Variants in DHRSX observed in about 807,000 individuals in gnomAD.
DHRSX encodes the protein dehydrogenase/reductase X-linked.
DHRSX carries 31 observed loss-of-function variants against 34.0 expected under a neutral mutation model. The observed-to-expected ratio is 0.91, with a 90% CI of 0.69 to 1.23. DHRSX has a LOEUF of 1.23. Ranked by LOEUF, DHRSX falls within the 50% of genes most tolerant of loss-of-function variation. DHRSX has a pLI of 0.00. For synonymous variants in DHRSX, 201 were observed against 183.8 expected (o/e 1.09, Z -0.76); for missense variants, 414 against 428.1 (o/e 0.97, Z 0.29).
rs142661248 is a variant in DHRSX, at chrX:2,459,677, A to G, written c.110-34373T>C. ...AAGTGACTCCCATTTCCAGGCAGAA[A>G]GCAAAACAAGACCCAGTTTTGAGGA... On this transcript the variant is annotated intron_variant, in intron 1 of 6. Coordinates refer to ENST00000334651, the MANE Select transcript of DHRSX (RefSeq NM_145177.3). 3.2e-3 allele frequency among the ~76,000 whole-genome samples: 480 copies of G among 151,982 alleles called. 4 individuals carry two copies. Among genetic ancestry groups the G allele is most frequent in the African/African-American group, 0.011 (463 of 41,494 alleles).
At chrX:2,452,580 T>A (rs1319443476) in intron 1 of DHRSX, among the ~76,000 whole-genome samples, 1 of 150,896 alleles carries the variant, frequency 6.6e-6, no homozygotes, top group Non-Finnish European at 1.5e-5. Flanking sequence ...ACTGAAGATG[T>A]TCCCTAAGCA....
intron 1 of DHRSX, among the ~76,000 whole-genome samples, chrX:2,438,711 T>C (rs1836406357): frequency 6.7e-6 from 1 of 149,082 alleles, no homozygotes; most frequent in African/African-American, 2.5e-5. Flanking sequence ...AGGAACAGAA[T>C]GATCTAGGAG....
At chrX:2,422,323 C>T (rs2043790701) in intron 2 of DHRSX, among the ~76,000 whole-genome samples, 2 of 152,188 alleles carry the variant, frequency 1.3e-5, no homozygotes, top group Non-Finnish European at 1.5e-5. Context: ...AGTGCAGTGG[C>T]GCGATCTCGG....
Position 2,461,972 on chromosome X carries a change from G to A in DHRSX, c.110-36668C>T, listed in dbSNP as rs367959990. Reference sequence around the variant, plus strand: ...CAAAGTGCTGGGATCACAGGCATGAGAGCCACCGCGGCTGGCCATGCAGCT... The same window carrying A: ...CAAAGTGCTGGGATCACAGGCATGAAAGCCACCGCGGCTGGCCATGCAGCT... On this transcript the variant is annotated intron_variant, in intron 1 of 6. Coordinates refer to ENST00000334651, the MANE Select transcript of DHRSX (RefSeq NM_145177.3). Among the ~76,000 whole-genome samples, 18 of 152,298 alleles carry A rather than the reference G, an allele frequency of 1.2e-4. 1 individual carries two copies. The highest frequency in any genetic ancestry group is 4.1e-4 in the African/African-American group (17 of 41,580).
At chrX:2,324,109 G>A (rs1424888022) in intron 3 of DHRSX, among the ~76,000 whole-genome samples, 2 of 151,148 alleles carry the variant, frequency 1.3e-5, no homozygotes, top group African/African-American at 2.4e-5. Context: ...ACTCTGCTTT[G>A]TAATTAAAAG....
chrX:2,302,612 A>AAATAAATAAAT (rs1569485581), intron 3 of DHRSX, among the ~76,000 whole-genome samples: 73 of 149,980 alleles, frequency 4.9e-4, no homozygotes, highest in African/African-American at 1.7e-3. Context: ...ACTGTCTCAA[A>AAATAAATAAAT]AAATAAATAA....
intron 6 of DHRSX, among the ~76,000 whole-genome samples, chrX:2,224,137 T>C (rs1251210700): frequency 2.0e-5 from 3 of 152,268 alleles, no homozygotes; most frequent in African/African-American, 7.2e-5. Context: ...TGTTGTTGTC[T>C]GCCATCATTG....
intron 3 of DHRSX, among the ~76,000 whole-genome samples, chrX:2,355,553 A>G (rs2042840440): frequency 6.9e-6 from 1 of 144,668 alleles, no homozygotes; most frequent in African/African-American, 2.5e-5. Context: ...AAAGACTATC[A>G]TTACTTTTAA....
At chrX:2,498,736 G>C (rs141797347) in intron 1 of DHRSX, among the ~76,000 whole-genome samples, 2,471 of 152,192 alleles carry the variant, frequency 0.016, 61 homozygotes, top group African/African-American at 0.048. Flanking sequence ...TCTTCTGCCA[G>C]GGCCCACACA....
At chrX:2,377,385 T>C (rs1171095787) in intron 3 of DHRSX, among the ~76,000 whole-genome samples, 1 of 151,492 alleles carries the variant, frequency 6.6e-6, no homozygotes, top group Non-Finnish European at 1.5e-5. Context: ...TCATCAGGCA[T>C]TAGATTCTCA....
rs141699919 is a variant in DHRSX at position 2,358,207 on chromosome X, G to A, written c.286+50538C>T. On this transcript the variant is annotated intron_variant, in intron 3 of 6. Transcript: ENST00000334651. ...CACAGCCCAGGAAACTATCAACAGC[G>A]TGAACAGACAACCTACAGAATGAGA... Among the ~76,000 whole-genome samples, 1,106 of 152,220 alleles carry A rather than the reference G, an allele frequency of 7.3e-3. 30 individuals are homozygous for A. The highest frequency in any genetic ancestry group is 0.062 in the Admixed American group (941 of 15,260).
chrX:2,500,070 C>T (rs1413738582), intron 1 of DHRSX, among the ~76,000 whole-genome samples: 1 of 152,220 alleles, frequency 6.6e-6, no homozygotes, highest in Non-Finnish European at 1.5e-5. Flanking sequence ...AATCTAGGAA[C>T]AGAAGTTATC....
chrX:2,263,172 C>T (rs1191889932), intron 5 of DHRSX, among the ~76,000 whole-genome samples: 11 of 152,194 alleles, frequency 7.2e-5, no homozygotes, highest in African/African-American at 1.7e-4. Flanking sequence ...AATTCAAAGG[C>T]GAGTCCGACT....
chrX:2,378,293 G>C (rs1419548275), intron 3 of DHRSX, among the ~76,000 whole-genome samples: 1 of 152,218 alleles, frequency 6.6e-6, no homozygotes, highest in Non-Finnish European at 1.5e-5. Flanking sequence ...CAGCCAGCTG[G>C]TTTGTAGAAT....
chrX:2,228,717 T>C (rs988077852), intron 6 of DHRSX, among the ~76,000 whole-genome samples: 2 of 152,016 alleles, frequency 1.3e-5, no homozygotes, highest in Non-Finnish European at 2.9e-5. Flanking sequence ...TTTTGTGTCA[T>C]TCAAACCACG....
intron 4 of DHRSX, among the ~76,000 whole-genome samples, chrX:2,272,451 C>A (rs547048017): frequency 2.0e-5 from 3 of 152,244 alleles, no homozygotes; most frequent in Non-Finnish European, 2.9e-5. Context: ...AGAGTCTACG[C>A]CCCTTCCCTT....
chrX:2,436,461 A>ATTAT (rs2043992226), intron 1 of DHRSX, among the ~76,000 whole-genome samples: 9 of 129,272 alleles, frequency 7.0e-5, no homozygotes, highest in Non-Finnish European at 1.5e-4. Context: ...TTGCAGCAAC[A>ATTAT]TATTATTATT....
chrX:2,336,594 TTTTTG>T lies in DHRSX; in HGVS notation c.287-44996_287-44992del, dbSNP rs778445625. On this transcript the variant is annotated intron_variant, in intron 3 of 6. Transcript: ENST00000334651. ...AGAGAACATATTCACGGTATTTTGT[TTTTTG>T]TTTTGTTTTTTTTTTTTGAGACGGA... Among the ~76,000 whole-genome samples, 252 of 149,042 alleles carry T rather than the reference TTTTTG, an allele frequency of 1.7e-3. 7 individuals carry two copies. In the South Asian group the frequency reaches 0.05, roughly 30 times the overall value.
chrX:2,440,091 G>T (rs1244351420), intron 1 of DHRSX, among the ~76,000 whole-genome samples: 3 of 152,184 alleles, frequency 2.0e-5, no homozygotes, highest in Non-Finnish European at 4.4e-5. Context: ...CTTTTGAAAT[G>T]AACAGAATGC....
Sources: gnomAD v4.1 joint callset for allele counts (sites outside exome capture counted in the v4.1 genomes callset) on GRCh38, gnomAD v4.1.1 for gene constraint, MANE v1.5 for transcripts, NCBI Gene and HGNC (gene_info 2026-07-23, HGNC 2026-07-21) for gene names.